Variants in SYNRG observed in about 807,000 individuals in gnomAD.
The protein encoded by SYNRG is AP1 gamma subunit binding protein 1.
In SYNRG, 37 loss-of-function variants were observed where a neutral mutation model predicts 130.9. The observed-to-expected ratio is 0.28, with a 90% CI of 0.22 to 0.37. SYNRG has a LOEUF of 0.37. Ranked by LOEUF, SYNRG falls within the 10% of genes least tolerant of loss-of-function variation. The pLI is 1.00. For synonymous variants in SYNRG, 539 were observed against 568.1 expected (o/e 0.95, Z 0.73); for missense variants, 1,338 against 1,588.9 (o/e 0.84, Z 2.68).
rs2057402961 is a variant in SYNRG at position 37,538,374 on chromosome 17, G to C, written c.3467C>G (p.Ser1156Cys). ...TGACTGAATTACTTCTGTGCAAACA[G>C]AACTACTACTGATTCCATTTAAGGT... ...NDTLNGISSS[S>C]VCTEVIQSAQ... Residue 1156 changes from serine (S) to cysteine (C), a missense_variant, in exon 18 of 22, where the codon TCT becomes TGT. Physicochemically the swap from Ser to Cys is moderately radical, Grantham distance 112. Around this residue, in one of 3 missense-constraint regions of SYNRG, gnomAD observed 1,146 missense variants for 1,342.3 expected, o/e 0.85. Transcript: ENST00000612223. 1.9e-6 allele frequency: 3 copies of C among 1,611,624 alleles called. No homozygotes were observed. The highest frequency in any genetic ancestry group is 1.7e-5 in the Admixed American group (1 of 59,408).
chr17:37,607,429 AATCATATACTTG>A (rs1167132733), intron 1 of SYNRG, among the ~76,000 whole-genome samples: 3 of 152,200 alleles, frequency 2.0e-5, no homozygotes, highest in Non-Finnish European at 4.4e-5. Flanking sequence ...TGCCATGATT[AATCATATACTTG>A]ATCAAATTAA....
intron 12 of SYNRG, 70 bp downstream of exon 12, chr17:37,561,401 T>TA: frequency 6.8e-7 from 1 of 1,471,184 alleles, no homozygotes. Flanking sequence ...GACCACCACT[T>TA]AAAGATTCAT....
chr17:37,529,426 T>A (rs1429855331), intron 19 of SYNRG, among the ~76,000 whole-genome samples: 1 of 150,906 alleles, frequency 6.6e-6, no homozygotes, highest in Non-Finnish European at 1.5e-5. Context: ...AATGATGGAG[T>A]AGTCTATATC....
At chr17:37,557,627 C>T (rs931989809) in intron 13 of SYNRG, among the ~76,000 whole-genome samples, 1 of 152,060 alleles carries the variant, frequency 6.6e-6, no homozygotes, top group East Asian at 1.9e-4. Flanking sequence ...ACTTGTAATC[C>T]CAGCATTTTG....
At chr17:37,575,507 CTTT>C (rs924309364) in intron 8 of SYNRG, among the ~76,000 whole-genome samples, 1 of 147,424 alleles carries the variant, frequency 6.8e-6, no homozygotes, top group African/African-American at 2.5e-5. Flanking sequence ...ATTTTCTTTT[CTTT>C]TTTTTTTCTT....
At chr17:37,580,537 C>A (rs1195564338) in intron 6 of SYNRG, among the ~76,000 whole-genome samples, 1 of 97,986 alleles carries the variant, frequency 1.0e-5, no homozygotes, top group Admixed American at 1.2e-4. Flanking sequence ...GAGAGAGAGA[C>A]GGAGTCTTGC....
rs1335179264 is a variant in SYNRG at position 37,546,947 on chromosome 17, C to A, written c.2609-4382G>T. 7.9e-5 allele frequency among the ~76,000 whole-genome samples: 12 copies of A among 152,278 alleles called. No individual in the cohort carries two copies. The South Asian group carries it at 2.5e-3, about 32-fold the overall frequency. ...CCTTAGTCCCTATTCTATCTTTGAT[C>A]TACCTATGAGATCAGTCATATTCAT... is the stretch of plus-strand genomic sequence containing the variant. On this transcript the variant is annotated intron_variant, in intron 14 of 21. Coordinates refer to ENST00000612223, the MANE Select transcript of SYNRG (RefSeq NM_007247.6).
chr17:37,600,772 T>C (rs1408499800), intron 1 of SYNRG: 2 of 327,064 alleles, frequency 6.1e-6, no homozygotes, highest in Admixed American at 4.8e-5. Context: ...AAAATACACA[T>C]ATGCAGGCAA....
intron 11 of SYNRG, among the ~76,000 whole-genome samples, chr17:37,562,051 A>G (rs2059576227): frequency 6.6e-6 from 1 of 152,200 alleles, no homozygotes; most frequent in Admixed American, 6.5e-5. Context: ...ATGGGTTCAG[A>G]GTGCAGAGGT....
intron 16 of SYNRG, among the ~76,000 whole-genome samples, chr17:37,539,614 G>A (rs1019620120): frequency 1.3e-5 from 2 of 152,186 alleles, no homozygotes; most frequent in African/African-American, 4.8e-5. Flanking sequence ...CGAGTGATCT[G>A]CCCGACTTGG....
At position 37,540,484 on chromosome 17, in the gene SYNRG, G is replaced by C. The variant is rs1429859301; in HGVS notation, c.3262C>G (p.Pro1088Ala). The C allele has an allele frequency of 3.1e-6, 5 of 1,613,976 alleles. No individual in the cohort carries two copies. In the East Asian group the frequency reaches 1.1e-4, roughly 36 times the overall value. The change falls in exon 16 of 22, where the codon CCA (proline) becomes GCA (alanine). Residue 1088 changes from proline (P) to alanine (A), a missense_variant. Transcript: ENST00000612223. ...TCTCTGAAAGGCTGCTCCAAAGCTG[G>C]AGAAGGAGAAGAACGGCTTATTTCT... ...DKEISRSSPS[P>A]ALEQPFRDRS...
chr17:37,583,468 T>C (rs1164022582), intron 6 of SYNRG, among the ~76,000 whole-genome samples: 1 of 152,162 alleles, frequency 6.6e-6, no homozygotes, highest in Non-Finnish European at 1.5e-5. Flanking sequence ...AGAGTCAAAG[T>C]TGTCCCGGAA....
At chr17:37,572,050 G>T in intron 8 of SYNRG, 63 bp from the exon 9 acceptor site, 3 of 1,385,274 alleles carry the variant, frequency 2.2e-6, no homozygotes, top group Non-Finnish European at 3.0e-6. Flanking sequence ...TTTTTGGGAT[G>T]CCATTGTTGG....
At position 37,570,889 on chromosome 17, in the gene SYNRG, C is replaced by T. The variant is rs2060379909; in HGVS notation, c.1099-4G>A. 6.2e-7 allele frequency: 1 copy of T among 1,609,342 alleles called. No homozygotes were observed. The highest frequency in any genetic ancestry group is 8.5e-7 in the Non-Finnish European group (1 of 1,177,896). On this transcript the variant is annotated splice_polypyrimidine_tract_variant and splice_region_variant and intron_variant, in intron 9 of 21. Coordinates refer to ENST00000612223, the MANE Select transcript of SYNRG (RefSeq NM_007247.6). Reference sequence around the variant, plus strand: ...GACTCATTGCAGGAACGCCCCTCTACAAATGATAGAAAGAAAATGGATTAG... The same window carrying T: ...GACTCATTGCAGGAACGCCCCTCTATAAATGATAGAAAGAAAATGGATTAG...
intron 3 of SYNRG, among the ~76,000 whole-genome samples, chr17:37,590,257 G>T (rs2062055212): frequency 6.7e-6 from 1 of 149,292 alleles, no homozygotes; most frequent in South Asian, 2.1e-4. Flanking sequence ...AGATAAGTCA[G>T]AAAAAAAAAG....
At position 37,553,161 on chromosome 17, in the gene SYNRG, G is replaced by A; in HGVS notation, c.2562C>T (p.Ser854=). The A allele has an allele frequency of 6.2e-7, 1 of 1,614,044 alleles. No individual in the cohort carries two copies. Among genetic ancestry groups the A allele is most frequent in the Non-Finnish European group, 8.5e-7 (1 of 1,179,992 alleles). ...CACTAACTGTTGGTAAATCCAAAGAGCTATCAGACATGACATGCTTAAGAT... is the reference window on the plus strand; with the variant it reads ...CACTAACTGTTGGTAAATCCAAAGAACTATCAGACATGACATGCTTAAGAT... The part of the protein sequence containing the change: ...GGDLKHVMSD[S]SLDLPTVSGQ... Residue 854 remains serine, a synonymous_variant, in exon 14 of 22, where the codon AGC becomes AGT. Transcript: ENST00000612223.
At chr17:37,576,508 G>T in intron 7 of SYNRG, 90 bp from the exon 8 acceptor site, 1 of 1,166,980 alleles carries the variant, frequency 8.6e-7, no homozygotes, top group Non-Finnish European at 1.2e-6. Flanking sequence ...AAGAGCACTG[G>T]CTGGAGACAC....
chr17:37,594,462 C>CTT (rs58155320), intron 3 of SYNRG, among the ~76,000 whole-genome samples: 99 of 124,472 alleles, frequency 8.0e-4, no homozygotes, highest in South Asian at 2.9e-3. Flanking sequence ...CTTTCTTCTT[C>CTT]TTTTTTTTTT....
intron 19 of SYNRG, among the ~76,000 whole-genome samples, chr17:37,527,495 C>G (rs1346456117): frequency 6.6e-6 from 1 of 152,130 alleles, no homozygotes; most frequent in Non-Finnish European, 1.5e-5. Flanking sequence ...AGAAAGAGAG[C>G]ATAAAGCTTT....
Sources: allele counts gnomAD v4.1 joint callset (sites outside exome capture counted in the v4.1 genomes callset), GRCh38; gene constraint gnomAD v4.1.1; regional missense constraint gnomAD v4.1.1; transcripts MANE v1.5; gene names NCBI Gene and HGNC (gene_info 2026-07-23, HGNC 2026-07-21).